FECH: variants seen among roughly 807,000 people sequenced by gnomAD.
FECH encodes the protein ferrochelatase, mitochondrial.
A neutral mutation model predicts 56.9 loss-of-function variants in FECH; 40 were observed. The observed-to-expected ratio is 0.70, with a 90% CI of 0.55 to 0.92. FECH has a LOEUF of 0.92. Among genes scored for constraint, FECH ranks in the 40% least tolerant of loss-of-function variants. The pLI is 0.00. For missense variants in FECH, 431 were observed against 529.1 expected (o/e 0.81, Z 1.82); for synonymous variants, 175 against 198.6 (o/e 0.88, Z 1.00).
chr18:57,562,855 C>G lies in FECH; in HGVS notation c.705+19G>C, dbSNP rs202119041. On this transcript the variant is annotated intron_variant, in intron 6 of 10. Transcript: ENST00000262093. ...CACTAGATGCTGGGGTGACAGGCAG[C>G]TGGCAAGCACTGGCTTACCTGGATG... 489 of 1,603,212 alleles carry G rather than the reference C, an allele frequency of 3.1e-4. 3 individuals carry two copies. The African/African-American group carries it at 6.0e-3, about 20-fold the overall frequency.
At chr18:57,559,293 G>A (rs1473111737) in intron 6 of FECH, 50 bp from the exon 7 acceptor site, 2 of 1,274,176 alleles carry the variant, frequency 1.6e-6, no homozygotes, top group South Asian at 2.4e-5. Flanking sequence ...AGAAAGAAAT[G>A]GAAGGAAAAA....
chr18:57,563,436 G>C (rs987938008), intron 5 of FECH, among the ~76,000 whole-genome samples: 3 of 151,904 alleles, frequency 2.0e-5, no homozygotes, highest in African/African-American at 7.3e-5. Flanking sequence ...TACAAAATTA[G>C]CCAGGCATGG....
At chr18:57,572,050 C>T (rs748482982) in intron 3 of FECH, among the ~76,000 whole-genome samples, 1 of 152,196 alleles carries the variant, frequency 6.6e-6, no homozygotes, top group Non-Finnish European at 1.5e-5. Flanking sequence ...AATTAAGTTA[C>T]AGCCATATGA....
chr18:57,554,929 A>C lies in FECH; in HGVS notation c.828T>G (p.Tyr276Ter). ...GGACAGTGGCGCTTACCTCCTGAGG[A>C]TATGGGTCGCCTCTGTTGACCACCT... is the stretch of plus-strand genomic sequence containing the variant. ...PMSVVNRGDPYPQEVSATVQK... is the reference protein window; with the variant it reads ...PMSVVNRGDP The change falls in exon 8 of 11, where the codon TAT becomes TAG. Residue 276 changes from tyrosine to a stop codon, truncating the protein, a stop_gained. Coordinates refer to ENST00000262093, the MANE Select transcript of FECH (RefSeq NM_000140.5). LOFTEE classifies it high-confidence loss of function. 1 of 1,614,100 alleles carries C rather than the reference A, an allele frequency of 6.2e-7. No individual in the cohort carries two copies. The highest frequency in any genetic ancestry group is 1.1e-5 in the South Asian group (1 of 91,082).
At chr18:57,564,566 G>A (rs2050991895) in intron 5 of FECH, among the ~76,000 whole-genome samples, 1 of 152,190 alleles carries the variant, frequency 6.6e-6, no homozygotes, top group Admixed American at 6.5e-5. Context: ...TGGTAGTCAG[G>A]AGAGAGCATA....
chr18:57,571,953 C>T (rs2051116762), intron 3 of FECH, among the ~76,000 whole-genome samples: 2 of 152,180 alleles, frequency 1.3e-5, no homozygotes, highest in Admixed American at 6.5e-5. Context: ...GATACACTTG[C>T]ATATAGGAGC....
chr18:57,546,022 G>A lies in FECH; in HGVS notation c.*4690C>T, dbSNP rs1303200624. ...TTATCCACACTCAGGTCTCCATTTT[G>A]CTATTAAAAATTGAGAAGCTGAATA... On this transcript the variant is annotated 3_prime_UTR_variant, in exon 11 of 11. Transcript: ENST00000262093. Among the ~76,000 whole-genome samples the A allele has an allele frequency of 6.6e-6, 1 of 152,116 alleles. No homozygotes were observed. Among genetic ancestry groups the A allele is most frequent in the Non-Finnish European group, 1.5e-5 (1 of 68,010 alleles).
chr18:57,546,887 G>A lies in FECH; in HGVS notation c.*3825C>T, dbSNP rs2050727359. ...AGGCAGGATGATCCTTTGAACCCAA[G>A]AGGCGGAGGTTGCAGTGAGCCGAGA... On this transcript the variant is annotated 3_prime_UTR_variant, in exon 11 of 11. Transcript: ENST00000262093. Among the ~76,000 whole-genome samples the A allele has an allele frequency of 6.6e-6, 1 of 151,486 alleles. No homozygotes were observed. Among genetic ancestry groups the A allele is most frequent in the Admixed American group, 6.6e-5 (1 of 15,188 alleles).
rs1262056606 is a variant in FECH at position 57,569,893 on chromosome 18, G to C, written c.463+1499C>G. Among the ~76,000 whole-genome samples the C allele has an allele frequency of 3.3e-5, 5 of 151,828 alleles. No homozygotes were observed. The East Asian group carries it at 9.7e-4, about 29-fold the overall frequency. On this transcript the variant is annotated intron_variant, in intron 4 of 10. Transcript: ENST00000262093. ...TTGTTTCCCAGGCTGGAATGCAATG[G>C]CATGATCATGGCTCACTGCAGCTTC...
chr18:57,555,087 T>C (rs894015196), intron 7 of FECH, 135 bp from the exon 8 acceptor site: 2 of 728,848 alleles, frequency 2.7e-6, no homozygotes, highest in African/African-American at 3.5e-5. Context: ...GATGATATGG[T>C]CTGAGTTCAA....
chr18:57,572,589 G>A (rs1203988925), intron 3 of FECH, among the ~76,000 whole-genome samples: 2 of 5,244 alleles, frequency 3.8e-4, no homozygotes, highest in African/African-American at 6.9e-4. Context: ...GTAACGAAGT[G>A]GGGGGGGGGG....
chr18:57,550,992 G>T, intron 10 of FECH, 146 bp from the exon 11 acceptor site: 1 of 943,140 alleles, frequency 1.1e-6, no homozygotes, highest in Non-Finnish European at 1.6e-6. Flanking sequence ...AAATTCTACA[G>T]CATCTTCCTT....
rs1480968065 is a variant in FECH, at chr18:57,546,101, C to T, written c.*4611G>A. On this transcript the variant is annotated 3_prime_UTR_variant, in exon 11 of 11. Coordinates refer to ENST00000262093, the MANE Select transcript of FECH (RefSeq NM_000140.5). ...TGAGCTCAGAATTTTCTTATTCCAG[C>T]TTGTGACATCTCAATGAATTTCCCA... 6.6e-6 allele frequency among the ~76,000 whole-genome samples: 1 copy of T among 152,136 alleles called. No homozygotes were observed. Among genetic ancestry groups the T allele is most frequent in the Non-Finnish European group, 1.5e-5 (1 of 68,036 alleles).
Position 57,554,896 on chromosome 18 carries a change from G to T in FECH, c.861C>A (p.Val287=). ...PQEVSATVQK[V]MERLEYCNPY... is the part of the protein sequence containing the mutation. ...GGTTGCAGTACTCCAGCCTTTCCAT[G>T]ACTTTTTGGACAGTGGCGCTTACCT... Residue 287 remains valine (V), a synonymous_variant, in exon 8 of 11, where the codon GTC becomes GTA. Transcript: ENST00000262093. The T allele has an allele frequency of 1.9e-6, 3 of 1,614,146 alleles. No homozygotes were observed. The South Asian group carries it at 3.3e-5, about 18-fold the overall frequency.
At chr18:57,571,831 G>A (rs896884399) in intron 3 of FECH, among the ~76,000 whole-genome samples, 7 of 152,178 alleles carry the variant, frequency 4.6e-5, no homozygotes, top group Admixed American at 1.3e-4. Flanking sequence ...CTGGATGTGC[G>A]CTAGCTACTA....
chr18:57,572,914 AT>A (rs774187159), intron 3 of FECH: 19 of 274,572 alleles, frequency 6.9e-5, no homozygotes, highest in Non-Finnish European at 1.3e-4. Context: ...AATAATAATC[AT>A]TGCTTCCCTG....
At chr18:57,568,748 T>G (rs192312856) in intron 4 of FECH, among the ~76,000 whole-genome samples, 49 of 152,302 alleles carry the variant, frequency 3.2e-4, no homozygotes, top group Non-Finnish European at 6.2e-4. Context: ...CAGCAAAAAC[T>G]TCATTAATTT....
chr18:57,574,329 G>A (rs181654951), intron 2 of FECH, among the ~76,000 whole-genome samples: 1 of 152,146 alleles, frequency 6.6e-6, no homozygotes, highest in East Asian at 1.9e-4. Flanking sequence ...CCTTCTCCAA[G>A]ACCTCCCTCT....
At chr18:57,571,672 G>A in intron 3 of FECH, 132 bp from the exon 4 acceptor site, 1 of 1,317,090 alleles carries the variant, frequency 7.6e-7, no homozygotes, top group South Asian at 1.3e-5. Flanking sequence ...TAAAACAGAA[G>A]CTTGAGGTCA....
Sources: allele counts gnomAD v4.1 joint callset (sites outside exome capture counted in the v4.1 genomes callset), GRCh38; gene constraint gnomAD v4.1.1; transcripts MANE v1.5; gene names NCBI Gene and HGNC (gene_info 2026-07-23, HGNC 2026-07-21).